The following EPC2 variants were observed in gnomAD, a reference collection of about 807,000 sequenced individuals.
EPC2 encodes enhancer of polycomb 2.
In EPC2, 14 loss-of-function variants were observed where a neutral mutation model predicts 92.1. That is an observed-to-expected ratio of 0.15 (90% CI 0.10 to 0.24). The LOEUF is 0.24. Among genes scored for constraint, EPC2 ranks in the 10% least tolerant of loss-of-function variants. The probability of loss-of-function intolerance (pLI) is 1.00; values close to 1 mark genes in which losing one functional copy is unlikely to be tolerated. For missense variants in EPC2, 755 were observed against 971.5 expected (o/e 0.78, Z 2.96); for synonymous variants, 340 against 334.7 (o/e 1.02, Z -0.17).
At chr2:148,734,994 A>G (rs1344287383) in intron 2 of EPC2, among the ~76,000 whole-genome samples, 1 of 151,870 alleles carries the variant, frequency 6.6e-6, no homozygotes, top group Non-Finnish European at 1.5e-5. Context: ...ATTTGTGTGC[A>G]TGTTTTTATG....
At chr2:148,667,293 A>G (rs550121940) in intron 1 of EPC2, among the ~76,000 whole-genome samples, 27 of 152,310 alleles carry the variant, frequency 1.8e-4, no homozygotes, top group African/African-American at 5.1e-4. Context: ...CCCAAGTTGG[A>G]TGTGTGGCAG....
chr2:148,706,278 G>T (rs1316093894), intron 2 of EPC2, among the ~76,000 whole-genome samples: 8 of 151,776 alleles, frequency 5.3e-5, no homozygotes, highest in Non-Finnish European at 1.0e-4. Flanking sequence ...TGAATGAAAT[G>T]AAGCAAGAAG....
chr2:148,676,240 C>T (rs892666955), intron 1 of EPC2, among the ~76,000 whole-genome samples: 5 of 150,504 alleles, frequency 3.3e-5, no homozygotes, highest in Admixed American at 2.7e-4. Context: ...AATGCTCAAG[C>T]GTAATTATAG....
intron 1 of EPC2, among the ~76,000 whole-genome samples, chr2:148,689,854 T>C (rs1681609187): frequency 6.6e-6 from 1 of 152,254 alleles, no homozygotes. Flanking sequence ...GATACAAATT[T>C]ATTTCCTGTA....
chr2:148,657,778 C>T (rs1454882769), intron 1 of EPC2, among the ~76,000 whole-genome samples: 2 of 152,046 alleles, frequency 1.3e-5, no homozygotes, highest in Non-Finnish European at 2.9e-5. Context: ...CGTGTGTGCC[C>T]ATGATCCATG....
chr2:148,645,322 C>T, intron 1 of EPC2, 152 bp downstream of exon 1: 1 of 671,342 alleles, frequency 1.5e-6, no homozygotes, highest in East Asian at 3.3e-5. Flanking sequence ...GTAGCGTAAA[C>T]CCTCTCGGCC....
intron 1 of EPC2, among the ~76,000 whole-genome samples, chr2:148,687,046 T>C (rs771888802): frequency 1.4e-4 from 22 of 152,372 alleles, no homozygotes; most frequent in African/African-American, 4.1e-4. Flanking sequence ...TTCATCTACA[T>C]TGAAAATCTA....
rs142694974 is a variant in EPC2 at position 148,733,148 on chromosome 2, C to T, written c.314-10474C>T. ...TCCCTAAGAGTATTTCAAACAGTAT[C>T]TCTTGATAATATCACATAAGATTGT... is the stretch of plus-strand genomic sequence containing the variant. On this transcript the variant is annotated intron_variant, in intron 2 of 13. Transcript: ENST00000258484. Among the ~76,000 whole-genome samples, 382 of 147,448 alleles carry T rather than the reference C, an allele frequency of 2.6e-3. 3 individuals carry two copies. Among genetic ancestry groups the T allele is most frequent in the African/African-American group, 8.8e-3 (364 of 41,216 alleles).
chr2:148,645,245 CAG>C (rs1164880379), intron 1 of EPC2, 75 bp downstream of exon 1: 2 of 1,330,516 alleles, frequency 1.5e-6, no homozygotes, highest in Admixed American at 2.3e-5. Context: ...TCGCCATTCA[CAG>C]AGCGCTTTAC....
At chr2:148,655,175 A>G (rs570257081) in intron 1 of EPC2, among the ~76,000 whole-genome samples, 5 of 152,312 alleles carry the variant, frequency 3.3e-5, no homozygotes, top group Non-Finnish European at 7.3e-5. Context: ...AGTTTATTAC[A>G]TCTATCTTCT....
chr2:148,706,082 G>T (rs557072570), intron 2 of EPC2, among the ~76,000 whole-genome samples: 5 of 152,196 alleles, frequency 3.3e-5, no homozygotes, highest in East Asian at 3.9e-4. Context: ...TGAACCCAAC[G>T]CAAGGAAGCT....
Position 148,709,967 on chromosome 2 carries a change from CA to C in EPC2, c.313+19596del, listed in dbSNP as rs972773069. On this transcript the variant is annotated intron_variant, in intron 2 of 13. Coordinates refer to ENST00000258484, the MANE Select transcript of EPC2 (RefSeq NM_015630.4). ...GAATTCATGACTAAAACACCAAAAG[CA>C]ATGGCAAAAAAAGCCAAAATTGACA... 2.9e-4 allele frequency among the ~76,000 whole-genome samples: 44 copies of C among 152,234 alleles called. 1 individual carries two copies. Among genetic ancestry groups the C allele is most frequent in the Admixed American group, 1.0e-3 (16 of 15,290 alleles).
chr2:148,714,058 A>AC (rs1682210277), intron 2 of EPC2, among the ~76,000 whole-genome samples: 1 of 45,420 alleles, frequency 2.2e-5, no homozygotes, highest in Non-Finnish European at 4.7e-5. Context: ...CCCTCCTCCC[A>AC]CCCCCCACCC....
chr2:148,720,386 G>T (rs1405893577), intron 2 of EPC2, among the ~76,000 whole-genome samples: 1 of 152,130 alleles, frequency 6.6e-6, no homozygotes, highest in East Asian at 1.9e-4. Context: ...CAAGCCAGTG[G>T]GTCTTATCTT....
chr2:148,656,738 G>A (rs767358735), intron 1 of EPC2, among the ~76,000 whole-genome samples: 1 of 152,158 alleles, frequency 6.6e-6, no homozygotes, highest in South Asian at 2.1e-4. Context: ...TGCTTTAGAC[G>A]CAGAAAGGAG....
intron 2 of EPC2, among the ~76,000 whole-genome samples, chr2:148,713,951 G>A (rs1682207801): frequency 6.6e-6 from 1 of 152,062 alleles, no homozygotes; most frequent in Non-Finnish European, 1.5e-5. Context: ...CAGGTTTCTT[G>A]CCTAGTTAAA....
chr2:148,721,912 A>T (rs1682387767), intron 2 of EPC2, among the ~76,000 whole-genome samples: 7 of 63,972 alleles, frequency 1.1e-4, no homozygotes, highest in Non-Finnish European at 1.6e-4. Context: ...TTTTTTCAGA[A>T]TTCTCATCTC....
At chr2:148,690,616 C>A (rs1681626127) in intron 2 of EPC2, among the ~76,000 whole-genome samples, 1 of 151,908 alleles carries the variant, frequency 6.6e-6, no homozygotes, top group Middle Eastern at 3.4e-3. Flanking sequence ...AGCACTTATA[C>A]TTTATTACAT....
intron 1 of EPC2, among the ~76,000 whole-genome samples, chr2:148,661,420 C>T (rs1680930968): frequency 6.6e-6 from 1 of 152,046 alleles, no homozygotes; most frequent in Non-Finnish European, 1.5e-5. Flanking sequence ...TTCTCTGATT[C>T]TCTTATGTAA....
Sources: gnomAD v4.1 joint callset for allele counts (sites outside exome capture counted in the v4.1 genomes callset) on GRCh38, gnomAD v4.1.1 for gene constraint, MANE v1.5 for transcripts, NCBI Gene and HGNC (gene_info 2026-07-23, HGNC 2026-07-21) for gene names.